Variants in CDH6 observed in about 807,000 individuals in gnomAD.
The protein encoded by CDH6 is cadherin 6, also known as cadherin-6.
A neutral mutation model predicts 78.0 loss-of-function variants in CDH6; 31 were observed. That is an observed-to-expected ratio of 0.40 (90% CI 0.30 to 0.54). CDH6 has a LOEUF of 0.54. Among genes scored for constraint, CDH6 ranks in the 20% least tolerant of loss-of-function variants. The pLI is 0.56. For synonymous variants in CDH6, 376 were observed against 368.8 expected, an observed-to-expected ratio of 1.02 and a Z score of -0.23; for missense variants, 724 against 975.9, an observed-to-expected ratio of 0.74 and a Z score of 3.44.
At chr5:31,285,188 A>G (rs959929928) in intron 2 of CDH6, among the ~76,000 whole-genome samples, 1 of 152,106 alleles carries the variant, frequency 6.6e-6, no homozygotes, top group Admixed American at 6.5e-5. Flanking sequence ...GAGTGTTTCT[A>G]TTTTTGCTGA....
rs1579921231 is a variant in CDH6, at chr5:31,325,920, C to T, written c.*2612C>T. ...TCCTATAATTCAGACTCTTTGACAT[C>T]GTGGAACCAATAAGAGTCATAGTTC... On this transcript the variant is annotated 3_prime_UTR_variant, in exon 12 of 12. Transcript: ENST00000265071. 4.3e-6 allele frequency: 1 copy of T among 232,038 alleles called. No homozygotes were observed. The highest frequency in any genetic ancestry group is 8.5e-6 in the Non-Finnish European group (1 of 117,390). The allele number at this position is 232,038 out of a possible 1,614,324, so 14.4% of individuals were successfully genotyped here.
At chr5:31,229,322 T>A (rs1183968115) in intron 1 of CDH6, among the ~76,000 whole-genome samples, 1 of 152,216 alleles carries the variant, frequency 6.6e-6, no homozygotes, top group Non-Finnish European at 1.5e-5. Context: ...GTCACCATAC[T>A]GGTTAGAAAT....
intron 2 of CDH6, among the ~76,000 whole-genome samples, chr5:31,280,741 T>C (rs1356521689): frequency 6.6e-6 from 1 of 152,144 alleles, no homozygotes; most frequent in Non-Finnish European, 1.5e-5. Flanking sequence ...AGTTGGTTTC[T>C]TTAACTGAAA....
chr5:31,259,119 G>T (rs947762381), intron 1 of CDH6, among the ~76,000 whole-genome samples: 3 of 152,038 alleles, frequency 2.0e-5, no homozygotes, highest in South Asian at 2.1e-4. Context: ...CAAGTTCAGG[G>T]GTAGAATATA....
chr5:31,302,215 A>G lies in CDH6; in HGVS notation c.916A>G (p.Ser306Gly). ...GGGAGAAAATGCTGAAATTGAGTACAGCATCACAGACGGTGAGGGGCTGGA... is the reference window on the plus strand; with the variant it reads ...GGGAGAAAATGCTGAAATTGAGTACGGCATCACAGACGGTGAGGGGCTGGA... ...DVGENAEIEY[S>G]ITDGEGLDMF... Residue 306 changes from serine to glycine, a missense_variant, in exon 6 of 12, where the codon AGC becomes GGC. This residue lies in a region of CDH6 where 446 missense variants were observed against 684.5 expected (regional missense o/e 0.65). Transcript: ENST00000265071. 6.2e-7 allele frequency: 1 copy of G among 1,614,122 alleles called. No individual in the cohort carries two copies. Among genetic ancestry groups the G allele is most frequent in the Non-Finnish European group, 8.5e-7 (1 of 1,179,950 alleles).
At chr5:31,274,250 G>A (rs2149936969) in intron 2 of CDH6, among the ~76,000 whole-genome samples, 1 of 152,300 alleles carries the variant, frequency 6.6e-6, no homozygotes. Flanking sequence ...AATGACAAAA[G>A]TTTCAATCTG....
intron 1 of CDH6, among the ~76,000 whole-genome samples, chr5:31,254,157 T>G (rs1741987547): frequency 6.6e-6 from 1 of 152,232 alleles, no homozygotes; most frequent in African/African-American, 2.4e-5. Flanking sequence ...TGTTAGTCAC[T>G]TAGCCCTCGT....
At chr5:31,233,343 CAAAA>C (rs5867063) in intron 1 of CDH6, among the ~76,000 whole-genome samples, 1 of 141,922 alleles carries the variant, frequency 7.0e-6, no homozygotes, top group Non-Finnish European at 1.5e-5. Flanking sequence ...CCCGTCTCTA[CAAAA>C]AAAAAAAAAA....
At chr5:31,240,575 G>A (rs1342882972) in intron 1 of CDH6, among the ~76,000 whole-genome samples, 1 of 152,088 alleles carries the variant, frequency 6.6e-6, no homozygotes, top group Non-Finnish European at 1.5e-5. Flanking sequence ...GCTCCACTAA[G>A]AATACCTCCC....
rs1161263550 is a variant in CDH6, at chr5:31,305,437, C to T, written c.1253+10C>T. Reference sequence around the variant, plus strand: ...CCAGGAATCCTGTCAAGTAAGCACACTTCTGCGACATGTCTCTTTCATAAG... The same window carrying T: ...CCAGGAATCCTGTCAAGTAAGCACATTTCTGCGACATGTCTCTTTCATAAG... On this transcript the variant is annotated intron_variant, in intron 7 of 11. Coordinates refer to ENST00000265071, the MANE Select transcript of CDH6 (RefSeq NM_004932.4). The T allele has an allele frequency of 1.9e-6, 3 of 1,604,550 alleles. No homozygotes were observed. The highest frequency in any genetic ancestry group is 1.3e-5 in the African/African-American group (1 of 74,656).
chr5:31,262,148 A>T (rs918344462), intron 1 of CDH6, among the ~76,000 whole-genome samples: 5 of 152,202 alleles, frequency 3.3e-5, no homozygotes, highest in Non-Finnish European at 5.9e-5. Context: ...ATAGGACTTG[A>T]ATTAATAAGG....
chr5:31,196,281 C>T (rs1038285786), intron 1 of CDH6, among the ~76,000 whole-genome samples: 1 of 152,140 alleles, frequency 6.6e-6, no homozygotes, highest in African/African-American at 2.4e-5. Flanking sequence ...CTAGAAAGCA[C>T]AGCTACAGTC....
intron 1 of CDH6, among the ~76,000 whole-genome samples, chr5:31,210,620 G>C (rs953553648): frequency 2.0e-5 from 3 of 152,114 alleles, no homozygotes; most frequent in African/African-American, 7.2e-5. Flanking sequence ...CCTTCCCCCA[G>C]CAGATACCAA....
At chr5:31,246,443 G>A (rs1224764947) in intron 1 of CDH6, among the ~76,000 whole-genome samples, 1 of 152,164 alleles carries the variant, frequency 6.6e-6, no homozygotes, top group African/African-American at 2.4e-5. Flanking sequence ...GGGATGAAGT[G>A]GGATGGTCAG....
At chr5:31,245,338 A>T (rs1180652117) in intron 1 of CDH6, among the ~76,000 whole-genome samples, 2 of 152,196 alleles carry the variant, frequency 1.3e-5, no homozygotes, top group Admixed American at 1.3e-4. Flanking sequence ...TTTCCCTGTT[A>T]TAAATAGACC....
intron 1 of CDH6, among the ~76,000 whole-genome samples, chr5:31,234,478 G>T (rs1741398169): frequency 6.6e-6 from 1 of 152,122 alleles, no homozygotes; most frequent in African/African-American, 2.4e-5. Context: ...CCCTAAAAGA[G>T]TGTTACTAAT....
At position 31,324,182 on chromosome 5, in the gene CDH6, GA is replaced by G. The variant is rs771250266; in HGVS notation, c.*876del. On this transcript the variant is annotated 3_prime_UTR_variant, in exon 12 of 12. Coordinates refer to ENST00000265071, the MANE Select transcript of CDH6 (RefSeq NM_004932.4). ...CAAAATTGTTTAAAAATTCTTGAAAGAATTTTCCTGAGACAAATTTTAACTT... is the reference window on the plus strand; with the variant it reads ...CAAAATTGTTTAAAAATTCTTGAAAGATTTTCCTGAGACAAATTTTAACTT... 1 of 218,042 alleles carries G rather than the reference GA, an allele frequency of 4.6e-6. No individual in the cohort carries two copies. The highest frequency in any genetic ancestry group is 2.2e-5 in the African/African-American group (1 of 44,540). The allele number at this position is 218,042 out of a possible 1,614,324, so 13.5% of individuals were successfully genotyped here. A position where few individuals can be genotyped will look rare whatever the true frequency, so the allele number is the denominator to read the frequency against.
At chr5:31,267,820 G>A (rs1742405631) in intron 2 of CDH6, 119 bp downstream of exon 2, 4 of 754,390 alleles carry the variant, frequency 5.3e-6, no homozygotes, top group African/African-American at 5.3e-5. Flanking sequence ...TTGCTTAACT[G>A]GTAAGACTTT....
chr5:31,302,082 T>A, intron 5 of CDH6, 29 bp from the exon 6 acceptor site: 1 of 1,523,052 alleles, frequency 6.6e-7, no homozygotes, highest in Non-Finnish European at 9.0e-7. Flanking sequence ...TAGTCTATGT[T>A]TGACTTATAT....
Sources: allele counts gnomAD v4.1 joint callset (sites outside exome capture counted in the v4.1 genomes callset), GRCh38; gene constraint gnomAD v4.1.1; regional missense constraint gnomAD v4.1.1; transcripts MANE v1.5; gene names NCBI Gene and HGNC (gene_info 2026-07-23, HGNC 2026-07-21).